Variants in PXK observed in about 807,000 individuals in gnomAD.
PXK encodes the protein PX domain-containing protein kinase-like protein.
Under a neutral mutation model 84.7 loss-of-function variants are expected in PXK, and 35 were observed. The ratio of observed to expected loss-of-function variants is 0.41; its 90% confidence interval spans 0.32 to 0.55. The LOEUF (loss-of-function observed/expected upper bound fraction) is 0.55. PXK is among the 20% of genes least tolerant of loss of function. The probability of loss-of-function intolerance (pLI) is 0.21; values close to 1 mark genes in which losing one functional copy is unlikely to be tolerated. For synonymous variants in PXK, 253 were observed against 260.8 expected (o/e 0.97, Z 0.29); for missense variants, 634 against 699.7 (o/e 0.91, Z 1.06).
rs903631677 is a variant in PXK, at chr3:58,400,592, C to T, written c.1181+1215C>T. Among the ~76,000 whole-genome samples the T allele has an allele frequency of 7.2e-5, 11 of 152,254 alleles. No homozygotes were observed. The South Asian group carries it at 1.2e-3, about 17-fold the overall frequency. On this transcript the variant is annotated intron_variant, in intron 12 of 17. Transcript: ENST00000356151. The surrounding 1 kb of genome is among the most constrained non-coding windows in gnomAD (Gnocchi z 4.0). ...GTTCCACAGACACTGAAGCGTCTGT[C>T]GCCAAACCAGCAACCATTAATAATA... is the stretch of plus-strand genomic sequence containing the variant.
rs76119387 is a variant in PXK at position 58,381,950 on chromosome 3, G to A, written c.202-564G>A. 1.6e-3 allele frequency among the ~76,000 whole-genome samples: 235 copies of A among 148,608 alleles called. 1 individual carries two copies. The highest frequency in any genetic ancestry group is 5.0e-3 in the African/African-American group (207 of 41,408). ...TGCCAGTAATAATTTAAGAAAGTGAGTTACTCTTGAAATTATGTTTTTATG... is the reference window on the plus strand; with the variant it reads ...TGCCAGTAATAATTTAAGAAAGTGAATTACTCTTGAAATTATGTTTTTATG... On this transcript the variant is annotated intron_variant, in intron 3 of 17. Coordinates refer to ENST00000356151, the MANE Select transcript of PXK (RefSeq NM_017771.5).
chr3:58,351,182 C>G (rs763754169), intron 1 of PXK, among the ~76,000 whole-genome samples: 1 of 152,104 alleles, frequency 6.6e-6, no homozygotes, highest in Non-Finnish European at 1.5e-5. Flanking sequence ...TGATCTCAAT[C>G]TTTATTACTC....
At chr3:58,365,951 C>G in intron 2 of PXK, 27 bp downstream of exon 2, 1 of 1,169,462 alleles carries the variant, frequency 8.6e-7, no homozygotes, top group Non-Finnish European at 1.2e-6. Flanking sequence ...TTTTTTTTGT[C>G]AATTAGAAAA....
At chr3:58,353,470 C>T (rs916980937) in intron 1 of PXK, among the ~76,000 whole-genome samples, 39 of 152,104 alleles carry the variant, frequency 2.6e-4, no homozygotes, top group African/African-American at 9.2e-4. Flanking sequence ...TATTAGATTG[C>T]AGAAAAATTG....
chr3:58,360,220 C>T (rs2098160021), intron 1 of PXK, among the ~76,000 whole-genome samples: 1 of 152,108 alleles, frequency 6.6e-6, no homozygotes, highest in Non-Finnish European at 1.5e-5. Context: ...ATGCCAAGTA[C>T]ATAATAATTG....
At chr3:58,395,598 CTG>C in intron 8 of PXK, 58 bp from the exon 9 acceptor site, 1 of 1,302,462 alleles carries the variant, frequency 7.7e-7, no homozygotes, top group Admixed American at 1.8e-5. Flanking sequence ...GTCAGGGAGT[CTG>C]TGTGCAGATA....
rs1173897239 is a variant in PXK at position 58,416,680 on chromosome 3, G to A, written c.1528+3717G>A. Reference sequence around the variant, plus strand: ...CTGTCACCCAGGCTGGAATACAGTCGTGAGATCTCGGCTCACTGCAACTTC... The same window carrying A: ...CTGTCACCCAGGCTGGAATACAGTCATGAGATCTCGGCTCACTGCAACTTC... On this transcript the variant is annotated intron_variant, in intron 17 of 17. Coordinates refer to ENST00000356151, the MANE Select transcript of PXK (RefSeq NM_017771.5). This position sits in a 1 kb window ranked among gnomAD's most constrained non-coding sequence, Gnocchi z 4.8. Among the ~76,000 whole-genome samples, 2 of 152,150 alleles carry A rather than the reference G, an allele frequency of 1.3e-5. No individual in the cohort carries two copies. The highest frequency in any genetic ancestry group is 2.1e-4 in the South Asian group (1 of 4,828).
In PXK at chr3:58,332,934, G is replaced by A. The variant is rs1282074976; in HGVS notation, c.-55G>A. On this transcript the variant is annotated 5_prime_UTR_variant, in exon 1 of 18. Coordinates refer to ENST00000356151, the MANE Select transcript of PXK (RefSeq NM_017771.5). This position sits in a 1 kb window ranked among gnomAD's most constrained non-coding sequence, Gnocchi z 5.6. ...TGGAACCGGGCGGGCGGCGGGAGTCGGCGCCTCGGGTTCCTACCTCGCGTC... is the reference window on the plus strand; with the variant it reads ...TGGAACCGGGCGGGCGGCGGGAGTCAGCGCCTCGGGTTCCTACCTCGCGTC... The A allele has an allele frequency of 1.7e-6, 2 of 1,166,472 alleles. No individual in the cohort carries two copies. Among genetic ancestry groups the A allele is most frequent in the Non-Finnish European group, 2.2e-6 (2 of 909,620 alleles). 72.3% of individuals were successfully genotyped at this position (1,166,472 alleles called of 1,614,324 possible).
chr3:58,382,791 A>G (rs910002164), intron 4 of PXK, 91 bp downstream of exon 4: 36 of 990,470 alleles, frequency 3.6e-5, no homozygotes, highest in Middle Eastern at 4.5e-4. Context: ...ATGTTTTCTC[A>G]AAATGGGGAT....
rs1487949505 is a variant in PXK, at chr3:58,412,861, T to C, written c.1466-40T>C. ...GCCTGGGCCAAATTCCAAATGTCTT[T>C]CGTTGGTCCCCATGAGGGTTTCTCT... On this transcript the variant is annotated intron_variant, in intron 16 of 17. Coordinates refer to ENST00000356151, the MANE Select transcript of PXK (RefSeq NM_017771.5). The surrounding 1 kb of genome is among the most constrained non-coding windows in gnomAD (Gnocchi z 6.2). 8.7e-6 allele frequency: 14 copies of C among 1,607,204 alleles called. No individual in the cohort carries two copies. Among genetic ancestry groups the C allele is most frequent in the African/African-American group, 6.7e-5 (5 of 74,760 alleles).
At chr3:58,410,724 G>A (rs2060076615) in intron 16 of PXK, among the ~76,000 whole-genome samples, 1 of 152,234 alleles carries the variant, frequency 6.6e-6, no homozygotes, top group African/African-American at 2.4e-5. Flanking sequence ...TTGGAAATCA[G>A]AGCCAGATTG....
chr3:58,390,018 A>C lies in PXK; in HGVS notation c.389-564A>C, dbSNP rs1447225717. On this transcript the variant is annotated intron_variant, in intron 4 of 17. Coordinates refer to ENST00000356151, the MANE Select transcript of PXK (RefSeq NM_017771.5). This position sits in a 1 kb window ranked among gnomAD's most constrained non-coding sequence, Gnocchi z 4.2. ...CCGTCTCAAAAAAAAAAAAAAAAAA[A>C]AAAAAACAATTTAGCCAGGCGTGAT... is the stretch of plus-strand genomic sequence containing the variant. Among the ~76,000 whole-genome samples the C allele has an allele frequency of 3.3e-5, 5 of 150,942 alleles. No homozygotes were observed. Among genetic ancestry groups the C allele is most frequent in the African/African-American group, 4.9e-5 (2 of 40,986 alleles).
chr3:58,332,980 C>A lies in PXK; in HGVS notation c.-9C>A. The stretch of plus-strand genomic sequence containing the variant: ...GCGTCCCTAGGCGGCGGCGGCCGGG[C>A]GTCCCGGGATGGCCTTCATGGAGAA... On this transcript the variant is annotated 5_prime_UTR_variant, in exon 1 of 18. Coordinates refer to ENST00000356151, the MANE Select transcript of PXK (RefSeq NM_017771.5). The surrounding 1 kb of genome is among the most constrained non-coding windows in gnomAD (Gnocchi z 5.6). The A allele has an allele frequency of 3.7e-6, 5 of 1,355,702 alleles. No homozygotes were observed. Among genetic ancestry groups the A allele is most frequent in the Non-Finnish European group, 4.8e-6 (5 of 1,041,010 alleles). The allele number at this position is 1,355,702 out of a possible 1,614,324, so 84.0% of individuals were successfully genotyped here.
chr3:58,390,242 T>C lies in PXK; in HGVS notation c.389-340T>C, dbSNP rs1395696307. Among the ~76,000 whole-genome samples the C allele has an allele frequency of 6.6e-6, 1 of 152,060 alleles. No homozygotes were observed. The highest frequency in any genetic ancestry group is 1.5e-5 in the Non-Finnish European group (1 of 68,010). Reference sequence around the variant, plus strand: ...GATAGTACAGAAAATTGCCATATACTTCTCACCCAGTTTCTCCTAATGTTA... The same window carrying C: ...GATAGTACAGAAAATTGCCATATACCTCTCACCCAGTTTCTCCTAATGTTA... On this transcript the variant is annotated intron_variant, in intron 4 of 17. Coordinates refer to ENST00000356151, the MANE Select transcript of PXK (RefSeq NM_017771.5). The surrounding 1 kb of genome is among the most constrained non-coding windows in gnomAD (Gnocchi z 4.2).
At chr3:58,375,710 C>T (rs1344979999) in intron 3 of PXK, among the ~76,000 whole-genome samples, 1 of 152,092 alleles carries the variant, frequency 6.6e-6, no homozygotes, top group Non-Finnish European at 1.5e-5. Context: ...TGCATAGTCC[C>T]CATGTGAGTG....
intron 1 of PXK, among the ~76,000 whole-genome samples, chr3:58,340,110 G>T (rs1369242792): frequency 6.9e-6 from 1 of 145,004 alleles, no homozygotes; most frequent in African/African-American, 2.6e-5. Context: ...CAGCCACTGC[G>T]CCTGGCCGAT....
chr3:58,400,504 G>A lies in PXK; in HGVS notation c.1181+1127G>A, dbSNP rs998161030. On this transcript the variant is annotated intron_variant, in intron 12 of 17. Coordinates refer to ENST00000356151, the MANE Select transcript of PXK (RefSeq NM_017771.5). The surrounding 1 kb of genome is among the most constrained non-coding windows in gnomAD (Gnocchi z 4.0). Reference sequence around the variant, plus strand: ...GAGGGCCTTCTGGAGGCCAGCTGCTGTCCTAGGCACTGTAATGAAAAGAGG... The same window carrying A: ...GAGGGCCTTCTGGAGGCCAGCTGCTATCCTAGGCACTGTAATGAAAAGAGG... Among the ~76,000 whole-genome samples, 1 of 152,154 alleles carries A rather than the reference G, an allele frequency of 6.6e-6. No homozygotes were observed. The highest frequency in any genetic ancestry group is 1.5e-5 in the Non-Finnish European group (1 of 68,022).
At chr3:58,405,611 A>G (rs2059272892) in intron 13 of PXK, among the ~76,000 whole-genome samples, 1 of 151,708 alleles carries the variant, frequency 6.6e-6, no homozygotes, top group Non-Finnish European at 1.5e-5. Flanking sequence ...CCTGGGAGGC[A>G]GAGGTTGCAG....
At chr3:58,422,747 C>T (rs2062101579) in intron 17 of PXK, 2 of 985,396 alleles carry the variant, frequency 2.0e-6, no homozygotes, top group Non-Finnish European at 2.4e-6. Flanking sequence ...CCCCTCAGCC[C>T]AGCCCTGAGG....
Sources: gnomAD v4.1 joint callset for allele counts (sites outside exome capture counted in the v4.1 genomes callset) on GRCh38, gnomAD v4.1.1 for gene constraint, Gnocchi (gnomAD v3.1) non-coding constraint, MANE v1.5 for transcripts, NCBI Gene and HGNC (gene_info 2026-07-23, HGNC 2026-07-21) for gene names.